The following RANBP17 variants were observed in gnomAD, a reference collection of about 807,000 sequenced individuals.
RANBP17 encodes RAN binding protein 17, also known as ran-binding protein 17.
RANBP17 carries 158 observed loss-of-function variants against 141.2 expected under a neutral mutation model. The ratio of observed to expected loss-of-function variants is 1.12; its 90% CI spans 0.98 to 1.28. The LOEUF is 1.28. Ranked by LOEUF, RANBP17 falls within the 50% of genes most tolerant of loss-of-function variation. RANBP17 has a pLI of 0.00. For synonymous variants in RANBP17, 430 were observed against 450.0 expected (o/e 0.96, Z 0.56); for missense variants, 1,438 against 1,290.7 (o/e 1.11, Z -1.75).
chr5:171,173,671 C>T (rs1299204447), intron 16 of RANBP17, among the ~76,000 whole-genome samples: 1 of 152,048 alleles, frequency 6.6e-6, no homozygotes, highest in Non-Finnish European at 1.5e-5. Context: ...CCTTTGGTTG[C>T]CTTAAAGCAG....
intron 25 of RANBP17, among the ~76,000 whole-genome samples, chr5:171,281,177 G>T (rs1169515401): frequency 6.6e-6 from 1 of 152,092 alleles, no homozygotes; most frequent in Non-Finnish European, 1.5e-5. Context: ...CTGGAACATT[G>T]GTACCATGGA....
chr5:171,196,200 A>C (rs1432730492), intron 18 of RANBP17, among the ~76,000 whole-genome samples: 2 of 152,130 alleles, frequency 1.3e-5, no homozygotes, highest in Non-Finnish European at 2.9e-5. Context: ...TGTGATTACC[A>C]TTTTAGATAG....
chr5:170,895,307 A>G (rs1770022216), intron 4 of RANBP17, among the ~76,000 whole-genome samples: 1 of 152,214 alleles, frequency 6.6e-6, no homozygotes, highest in African/African-American at 2.4e-5. Context: ...AATGATTGCA[A>G]TGTAATTGGA....
At chr5:171,281,494 G>A (rs1417786702) in intron 25 of RANBP17, among the ~76,000 whole-genome samples, 3 of 152,160 alleles carry the variant, frequency 2.0e-5, no homozygotes, top group Non-Finnish European at 4.4e-5. Flanking sequence ...ACAACTTGAT[G>A]GGTGGGCAGT....
At chr5:171,259,550 G>A (rs1037356250) in intron 24 of RANBP17, among the ~76,000 whole-genome samples, 1 of 152,184 alleles carries the variant, frequency 6.6e-6, no homozygotes, top group East Asian at 1.9e-4. Context: ...AAAAAAGAAT[G>A]AAATAATGTC....
chr5:171,151,412 C>T (rs766466681), intron 14 of RANBP17, among the ~76,000 whole-genome samples: 11 of 152,094 alleles, frequency 7.2e-5, no homozygotes, highest in Non-Finnish European at 1.5e-4. Context: ...ATTCAAGAGT[C>T]GCCTTAAATA....
chr5:170,924,564 ATAT>A lies in RANBP17; in HGVS notation c.1468+15_1468+17del. ...CCATTCAGGAAGGTCAGTAAACTTT[ATAT>A]GACTACTGAGTATTATGTTGAATAT... is the stretch of plus-strand genomic sequence containing the variant. On this transcript the variant is annotated intron_variant, in intron 12 of 27. Coordinates refer to ENST00000523189, the MANE Select transcript of RANBP17 (RefSeq NM_022897.5). 6.6e-7 allele frequency: 1 copy of A among 1,516,828 alleles called. No homozygotes were observed. The allele number at this position is 1,516,828 out of a possible 1,614,324, so 94.0% of individuals were successfully genotyped here. A position where few individuals can be genotyped will look rare whatever the true frequency, so the allele number is the denominator to read the frequency against.
intron 25 of RANBP17, among the ~76,000 whole-genome samples, chr5:171,272,239 G>A (rs980093470): frequency 6.6e-6 from 1 of 152,082 alleles, no homozygotes; most frequent in Non-Finnish European, 1.5e-5. Flanking sequence ...CCTATTGGGG[G>A]TACTGTGCTT....
At chr5:171,027,129 TG>T (rs1562001301) in intron 14 of RANBP17, among the ~76,000 whole-genome samples, 1 of 152,194 alleles carries the variant, frequency 6.6e-6, no homozygotes, top group East Asian at 1.9e-4. Flanking sequence ...CCAAAAACAC[TG>T]GGGACCTCTG....
At chr5:171,035,737 GTTTTTTTT>G (rs781327156) in intron 14 of RANBP17, among the ~76,000 whole-genome samples, 2 of 95,396 alleles carry the variant, frequency 2.1e-5, no homozygotes, top group Non-Finnish European at 4.9e-5. Context: ...TTCTTTTTTT[GTTTTTTTT>G]TTTTTTTTTT....
Position 170,896,126 on chromosome 5 carries a change from C to G in RANBP17, c.489+11C>G, listed in dbSNP as rs1289987817. The G allele has an allele frequency of 6.3e-7, 1 of 1,586,826 alleles. No homozygotes were observed. The highest frequency in any genetic ancestry group is 2.3e-5 in the East Asian group (1 of 44,172). On this transcript the variant is annotated intron_variant, in intron 5 of 27. Transcript: ENST00000523189. ...CAGGAAATGAACCTGGTAAGCGAGCCTTTCCATCTAACAGGAGCCTGAGTT... is the reference window on the plus strand; with the variant it reads ...CAGGAAATGAACCTGGTAAGCGAGCGTTTCCATCTAACAGGAGCCTGAGTT...
intron 1 of RANBP17, chr5:170,863,459 T>C (rs2127294992): frequency 6.6e-6 from 1 of 152,308 alleles, no homozygotes; most frequent in African/African-American, 2.4e-5. Flanking sequence ...CCAGTTACTG[T>C]CTGATAATCG....
chr5:171,138,064 A>G lies in RANBP17; in HGVS notation c.1711-32066A>G, dbSNP rs549137645. On this transcript the variant is annotated intron_variant, in intron 14 of 27. Transcript: ENST00000523189. Reference sequence around the variant, plus strand: ...CAGTTATTTCTTTTAGAGCTTTAGTATTCTCACTTGTAAAATAAAGAATGA... The same window carrying G: ...CAGTTATTTCTTTTAGAGCTTTAGTGTTCTCACTTGTAAAATAAAGAATGA... 1.3e-5 allele frequency among the ~76,000 whole-genome samples: 2 copies of G among 152,124 alleles called. 1 individual carries two copies. Among genetic ancestry groups the G allele is most frequent in the Admixed American group, 1.3e-4 (2 of 15,258 alleles).
intron 1 of RANBP17, among the ~76,000 whole-genome samples, chr5:170,870,242 G>A (rs531785584): frequency 2.6e-5 from 4 of 152,068 alleles, no homozygotes; most frequent in African/African-American, 4.8e-5. Context: ...TGAGATACAC[G>A]TGCAGAACGT....
At chr5:171,217,802 A>G (rs1020805714) in intron 21 of RANBP17, among the ~76,000 whole-genome samples, 5 of 151,746 alleles carry the variant, frequency 3.3e-5, no homozygotes, top group South Asian at 2.1e-4. Context: ...TTATTAGTCT[A>G]GCTAGTGGTC....
At chr5:170,979,969 A>G (rs1777646152) in intron 14 of RANBP17, among the ~76,000 whole-genome samples, 1 of 152,224 alleles carries the variant, frequency 6.6e-6, no homozygotes, top group East Asian at 1.9e-4. Flanking sequence ...CAAGAGACTT[A>G]TTGATTGGCT....
rs370226479 is a variant in RANBP17 at position 171,241,304 on chromosome 5, C to CT, written c.2637+176dup. Among the ~76,000 whole-genome samples the CT allele has an allele frequency of 4.8e-3, 637 of 133,564 alleles. 9 individuals carry two copies. The highest frequency in any genetic ancestry group is 0.043 in the South Asian group (180 of 4,156). 87.6% of individuals were successfully genotyped at this position (133,564 alleles called of 152,430 possible). A position where few individuals can be genotyped will look rare whatever the true frequency, so the allele number is the denominator to read the frequency against. ...TACAGAATTTGGAAAACTATAGTGG[C>CT]TTTTTTTTTTTTTTAGCATCTCTGC... On this transcript the variant is annotated intron_variant, in intron 23 of 27. Coordinates refer to ENST00000523189, the MANE Select transcript of RANBP17 (RefSeq NM_022897.5).
intron 12 of RANBP17, among the ~76,000 whole-genome samples, chr5:170,950,821 A>G (rs1181197474): frequency 6.6e-6 from 1 of 152,180 alleles, no homozygotes; most frequent in Non-Finnish European, 1.5e-5. Flanking sequence ...AAAGATATGG[A>G]ATCAACCTAC....
At chr5:171,170,787 C>A (rs1208549446) in intron 15 of RANBP17, among the ~76,000 whole-genome samples, 1 of 152,170 alleles carries the variant, frequency 6.6e-6, no homozygotes, top group East Asian at 1.9e-4. Context: ...TTGCAGACAG[C>A]AAAGTTAGAT....
Sources: gnomAD v4.1 joint callset for allele counts (sites outside exome capture counted in the v4.1 genomes callset) on GRCh38, gnomAD v4.1.1 for gene constraint, MANE v1.5 for transcripts, NCBI Gene and HGNC (gene_info 2026-07-23, HGNC 2026-07-21) for gene names.